Variants in TTC28 observed in about 807,000 individuals in gnomAD.
The protein encoded by TTC28 is tetratricopeptide repeat protein 28.
TTC28 carries 61 observed loss-of-function variants against 198.0 expected under a neutral mutation model. That is an observed-to-expected ratio of 0.31 (90% CI 0.25 to 0.38). The LOEUF (loss-of-function observed/expected upper bound fraction) is 0.38. Ranked by LOEUF, TTC28 falls within the 10% of genes least tolerant of loss-of-function variation. The probability of loss-of-function intolerance (pLI) is 1.00; values close to 1 mark genes in which losing one functional copy is unlikely to be tolerated. For synonymous variants in TTC28, 1,171 were observed against 1,297.8 expected, an observed-to-expected ratio of 0.90 and a Z score of 2.10; for missense variants, 2,678 against 3,164.0, an observed-to-expected ratio of 0.85 and a Z score of 3.69.
chr22:28,217,633 C>A (rs1927510742), intron 5 of TTC28, among the ~76,000 whole-genome samples: 1 of 152,120 alleles, frequency 6.6e-6, no homozygotes, highest in Admixed American at 6.5e-5. Context: ...TCAGCATAGG[C>A]ATGTAAGAAC....
intron 5 of TTC28, among the ~76,000 whole-genome samples, chr22:28,274,414 A>G (rs921807687): frequency 3.9e-5 from 6 of 152,218 alleles, no homozygotes; most frequent in Non-Finnish European, 7.3e-5. Flanking sequence ...TGCTTAATGT[A>G]TCTTCCAACT....
chr22:28,159,076 TA>T (rs1158186238), intron 6 of TTC28, among the ~76,000 whole-genome samples: 2 of 152,160 alleles, frequency 1.3e-5, no homozygotes, highest in African/African-American at 4.8e-5. Context: ...GAAAAAAGTC[TA>T]ATAATCTGAT....
At chr22:28,137,842 C>T (rs1209356975) in intron 6 of TTC28, among the ~76,000 whole-genome samples, 1 of 152,012 alleles carries the variant, frequency 6.6e-6, no homozygotes, top group Non-Finnish European at 1.5e-5. Context: ...TGGGGAAACC[C>T]TGTCTCTACT....
chr22:27,998,907 C>T lies in TTC28; in HGVS notation c.4752G>A (p.Arg1584=), dbSNP rs1937600964. ...CCCCATCACTGGCATCGTCCTGCAC[C>T]CGCAAGGACTCAGGGATCGTGTAGG... ...GHPYTIPESL[R]VQDDASDGES... is the part of the protein sequence containing the mutation. The change falls in exon 16 of 23, where the codon CGG becomes CGA. Residue 1584 remains arginine, a synonymous_variant. Coordinates refer to ENST00000397906, the MANE Select transcript of TTC28 (RefSeq NM_001145418.2). The T allele has an allele frequency of 6.4e-7, 1 of 1,550,670 alleles. No individual in the cohort carries two copies. The highest frequency in any genetic ancestry group is 1.4e-5 in the African/African-American group (1 of 73,180).
chr22:28,300,298 T>C (rs757595066), intron 3 of TTC28, among the ~76,000 whole-genome samples: 4 of 152,174 alleles, frequency 2.6e-5, no homozygotes, highest in Non-Finnish European at 5.9e-5. Flanking sequence ...AACTGACTGA[T>C]AGCTAGCAAA....
intron 2 of TTC28, among the ~76,000 whole-genome samples, chr22:28,566,959 G>A (rs955608060): frequency 6.6e-6 from 1 of 152,080 alleles, no homozygotes; most frequent in African/African-American, 2.4e-5. Flanking sequence ...GCTCACGCCT[G>A]TAACTCCAGC....
intron 12 of TTC28, among the ~76,000 whole-genome samples, chr22:28,082,291 T>C (rs78625187): frequency 0.013 from 1,969 of 152,294 alleles, 46 homozygotes; most frequent in African/African-American, 0.045. Flanking sequence ...TACTATATAT[T>C]GAAGATATGA....
rs542823185 is a variant in TTC28, at chr22:28,134,588, A to C, written c.1442-26185T>G. Among the ~76,000 whole-genome samples, 773 of 152,344 alleles carry C rather than the reference A, an allele frequency of 5.1e-3. 7 individuals are homozygous for C. The highest frequency in any genetic ancestry group is 0.018 in the African/African-American group (728 of 41,584). On this transcript the variant is annotated intron_variant, in intron 6 of 22. Transcript: ENST00000397906. ...GTAGCCGATTCGATCAAGTGGAAGAAAGGGTATCAGTGATTGAAGATCAAA... is the reference window on the plus strand; with the variant it reads ...GTAGCCGATTCGATCAAGTGGAAGACAGGGTATCAGTGATTGAAGATCAAA...
intron 6 of TTC28, among the ~76,000 whole-genome samples, chr22:28,119,878 G>T (rs576021794): frequency 2.0e-5 from 3 of 152,226 alleles, no homozygotes; most frequent in Admixed American, 1.3e-4. Flanking sequence ...AAGTCTTTTG[G>T]CTGGTATCCA....
intron 6 of TTC28, among the ~76,000 whole-genome samples, chr22:28,139,429 T>A (rs77404710): frequency 0.038 from 5,774 of 152,226 alleles, 232 homozygotes; most frequent in East Asian, 0.16. Context: ...GCCTTAATCA[T>A]TGTTCTTATT....
intron 1 of TTC28, 60 bp from the exon 2 acceptor site, chr22:28,629,890 GCTAA>G: frequency 7.0e-7 from 1 of 1,427,768 alleles, no homozygotes; most frequent in Non-Finnish European, 9.4e-7. Context: ...TTCCCCATCT[GCTAA>G]GATTTGGATG....
At position 28,296,438 on chromosome 22, in the gene TTC28, T is replaced by C. The variant is rs186565427; in HGVS notation, c.803-110A>G. 2.5e-4 allele frequency: 244 copies of C among 979,890 alleles called. 2 individuals carry two copies. The African/African-American group carries it at 3.4e-3, about 14-fold the overall frequency. The allele number at this position is 979,890 out of a possible 1,614,324, so 60.7% of individuals were successfully genotyped here. A position where few individuals can be genotyped will look rare whatever the true frequency, so the allele number is the denominator to read the frequency against. On this transcript the variant is annotated intron_variant, in intron 4 of 22. Coordinates refer to ENST00000397906, the MANE Select transcript of TTC28 (RefSeq NM_001145418.2). ...AGAGCCACAGATTTATTAGCTAAGA[T>C]TTCACTTATCTTCTATTAGAAAAGT...
At chr22:28,563,556 C>T (rs2049924450) in intron 2 of TTC28, among the ~76,000 whole-genome samples, 1 of 152,152 alleles carries the variant, frequency 6.6e-6, no homozygotes, top group Non-Finnish European at 1.5e-5. Flanking sequence ...TGTTCAACAT[C>T]ATTAGTTGAT....
chr22:28,324,007 AT>A, intron 2 of TTC28, among the ~76,000 whole-genome samples: 1 of 152,336 alleles, frequency 6.6e-6, no homozygotes, highest in South Asian at 2.1e-4. Flanking sequence ...ATAATAGTAT[AT>A]CTGGTGAAAA....
chr22:28,203,899 A>G (rs527934810), intron 5 of TTC28, among the ~76,000 whole-genome samples: 1 of 152,298 alleles, frequency 6.6e-6, no homozygotes, highest in East Asian at 1.9e-4. Context: ...TCCAAAGGTC[A>G]TTTGATTATG....
At chr22:28,444,387 TA>T (rs2047671795) in intron 2 of TTC28, among the ~76,000 whole-genome samples, 2 of 152,166 alleles carry the variant, frequency 1.3e-5, no homozygotes. Context: ...ACTATATCAG[TA>T]TAAGTAAGTC....
rs114432084 is a variant in TTC28, at chr22:28,057,895, A to G, written c.3933-27529T>C. Among the ~76,000 whole-genome samples the G allele has an allele frequency of 9.7e-3, 1,482 of 152,220 alleles. 26 individuals are homozygous for G. Among genetic ancestry groups the G allele is most frequent in the African/African-American group, 0.033 (1,382 of 41,550 alleles). On this transcript the variant is annotated intron_variant, in intron 12 of 22. Transcript: ENST00000397906. ...GTTTTGGTATCTCTGTCAAAAATCA[A>G]ATGACCATATGAGTGTGGGTCTATT...
intron 5 of TTC28, among the ~76,000 whole-genome samples, chr22:28,191,166 A>T (rs972818648): frequency 5.9e-5 from 9 of 152,202 alleles, no homozygotes; most frequent in African/African-American, 1.4e-4. Flanking sequence ...TTGCGTTAAA[A>T]TTTTAATTAA....
intron 2 of TTC28, among the ~76,000 whole-genome samples, chr22:28,489,425 A>T (rs1278325300): frequency 6.6e-6 from 1 of 152,102 alleles, no homozygotes; most frequent in Non-Finnish European, 1.5e-5. Context: ...CAAAAATCTC[A>T]CCCTGAAAGC....
Sources: allele counts gnomAD v4.1 joint callset (sites outside exome capture counted in the v4.1 genomes callset), GRCh38; gene constraint gnomAD v4.1.1; transcripts MANE v1.5; gene names NCBI Gene and HGNC (gene_info 2026-07-23, HGNC 2026-07-21).